Variants in PIGL observed in about 807,000 individuals in gnomAD.
PIGL encodes the protein N-acetylglucosaminyl-phosphatidylinositol de-N-acetylase.
A neutral mutation model predicts 31.1 loss-of-function variants in PIGL; 22 were observed. The observed-to-expected ratio is 0.71, with a 90% confidence interval of 0.51 to 1.01. The LOEUF (loss-of-function observed/expected upper bound fraction) is 1.01, where lower values mean the gene tolerates loss of function less well. Among genes scored for constraint, PIGL ranks in the 50% least tolerant of loss-of-function variants. The pLI, the probability that PIGL is intolerant of heterozygous loss-of-function variation, is 0.00. For missense variants in PIGL, 302 were observed against 315.9 expected, an observed-to-expected ratio of 0.96 and a Z score of 0.33; for synonymous variants, 131 against 117.4, an observed-to-expected ratio of 1.12 and a Z score of -0.75.
intron 2 of PIGL, among the ~76,000 whole-genome samples, chr17:16,271,423 G>GTT (rs2092871631): frequency 6.6e-6 from 1 of 152,140 alleles, no homozygotes; most frequent in African/African-American, 2.4e-5. Context: ...CTGCAAATAG[G>GTT]TACGTACCCT....
chr17:16,266,824 C>G (rs986649721), intron 2 of PIGL, among the ~76,000 whole-genome samples: 1 of 151,522 alleles, frequency 6.6e-6, no homozygotes, highest in African/African-American at 2.4e-5. Context: ...GTCTCGATCT[C>G]CTGACCTCGT....
chr17:16,264,159 C>T (rs931856771), intron 2 of PIGL, among the ~76,000 whole-genome samples: 31 of 151,394 alleles, frequency 2.0e-4, no homozygotes, highest in African/African-American at 7.0e-4. Flanking sequence ...ATTACAGGTG[C>T]CTGCTATCAC....
At chr17:16,264,787 C>T (rs2092835254) in intron 2 of PIGL, among the ~76,000 whole-genome samples, 1 of 151,818 alleles carries the variant, frequency 6.6e-6, no homozygotes, top group Non-Finnish European at 1.5e-5. Flanking sequence ...GCTGGGATTA[C>T]AGGTGCCCAC....
intron 1 of PIGL, among the ~76,000 whole-genome samples, chr17:16,229,916 C>T (rs1394784743): frequency 1.4e-4 from 17 of 122,696 alleles, no homozygotes; most frequent in African/African-American, 5.5e-4. Context: ...GGCTGGAGTG[C>T]AGTGGCACGA....
intron 2 of PIGL, among the ~76,000 whole-genome samples, chr17:16,237,455 A>G (rs1179000993): frequency 6.6e-6 from 1 of 151,726 alleles, no homozygotes; most frequent in African/African-American, 2.4e-5. Flanking sequence ...ACAGATGATT[A>G]CAATTCAAAG....
chr17:16,223,767 G>A (rs2092639793), intron 1 of PIGL, among the ~76,000 whole-genome samples: 1 of 151,900 alleles, frequency 6.6e-6, no homozygotes, highest in African/African-American at 2.4e-5. Flanking sequence ...TGGGGAGAAT[G>A]GTTTGGAAGG....
chr17:16,310,395 A>G (rs1266864123), intron 3 of PIGL, among the ~76,000 whole-genome samples: 3 of 152,004 alleles, frequency 2.0e-5, no homozygotes, highest in Admixed American at 1.3e-4. Context: ...ATGACTCTCA[A>G]GATGATCCTT....
intron 3 of PIGL, among the ~76,000 whole-genome samples, chr17:16,301,773 A>G (rs762130411): frequency 4.6e-5 from 7 of 151,136 alleles, no homozygotes; most frequent in Non-Finnish European, 7.4e-5. Context: ...GGGTTCCCCT[A>G]TGTTAGCCAG....
At chr17:16,267,116 T>C (rs1215830440) in intron 2 of PIGL, among the ~76,000 whole-genome samples, 2 of 152,344 alleles carry the variant, frequency 1.3e-5, no homozygotes, top group Non-Finnish European at 2.9e-5. Context: ...AGTAGCCTAT[T>C]GACCAGAAGC....
intron 2 of PIGL, among the ~76,000 whole-genome samples, chr17:16,297,857 A>C (rs1456307770): frequency 6.6e-6 from 1 of 152,128 alleles, no homozygotes; most frequent in Admixed American, 6.6e-5. Context: ...CCCAACCCCC[A>C]GGCTGCAGAC....
chr17:16,307,331 G>A (rs2093030338), intron 3 of PIGL, among the ~76,000 whole-genome samples: 1 of 152,190 alleles, frequency 6.6e-6, no homozygotes, highest in Admixed American at 6.5e-5. Flanking sequence ...TAGGCCATAG[G>A]GTGTGCCAGT....
intron 2 of PIGL, among the ~76,000 whole-genome samples, chr17:16,265,555 A>G (rs1568808333): frequency 6.6e-6 from 1 of 152,040 alleles, no homozygotes. Context: ...AACCTGGCCA[A>G]CATAGTGAAA....
chr17:16,238,269 A>G (rs761051264), intron 2 of PIGL, among the ~76,000 whole-genome samples: 6 of 151,768 alleles, frequency 4.0e-5, no homozygotes, highest in Non-Finnish European at 8.8e-5. Flanking sequence ...GTATACTCAA[A>G]ACAGTAAATA....
intron 2 of PIGL, among the ~76,000 whole-genome samples, chr17:16,291,521 A>AAAAAG (rs1555860361): frequency 1.4e-3 from 196 of 140,196 alleles, no homozygotes; most frequent in Non-Finnish European, 1.8e-3. Context: ...AAAAAAAAAA[A>AAAAAG]AAAGAAAGAA....
intron 2 of PIGL, among the ~76,000 whole-genome samples, chr17:16,281,363 C>T (rs553587820): frequency 1.7e-4 from 26 of 152,308 alleles, no homozygotes; most frequent in Non-Finnish European, 2.8e-4. Context: ...TTTTTACCTG[C>T]TCTAAAAGAA....
intron 2 of PIGL, among the ~76,000 whole-genome samples, chr17:16,296,971 C>A (rs1388999811): frequency 6.6e-6 from 1 of 152,126 alleles, no homozygotes. Flanking sequence ...CCGCCCGCCT[C>A]GGCCTCCCAA....
chr17:16,326,176 C>A lies in PIGL; in HGVS notation c.*278C>A. ...GTGAAAAACAATTTACATAATGACA[C>A]AGTAGATGTGGAACACCTAGCCCAG... On this transcript the variant is annotated 3_prime_UTR_variant, in exon 7 of 7. Coordinates refer to ENST00000225609, the MANE Select transcript of PIGL (RefSeq NM_004278.4). 2.4e-6 allele frequency: 1 copy of A among 411,726 alleles called. No homozygotes were observed. The highest frequency in any genetic ancestry group is 4.4e-6 in the Non-Finnish European group (1 of 228,884). The allele number at this position is 411,726 out of a possible 1,614,324, so 25.5% of individuals were successfully genotyped here. A position where few individuals can be genotyped will look rare whatever the true frequency, so the allele number is the denominator to read the frequency against.
At chr17:16,264,874 T>G (rs2092835728) in intron 2 of PIGL, among the ~76,000 whole-genome samples, 1 of 151,734 alleles carries the variant, frequency 6.6e-6, no homozygotes, top group African/African-American at 2.4e-5. Context: ...TGACCCGCCC[T>G]CCTCTGCCTC....
chr17:16,272,747 A>G (rs574148320), intron 2 of PIGL, among the ~76,000 whole-genome samples: 3 of 152,082 alleles, frequency 2.0e-5, no homozygotes, highest in Non-Finnish European at 2.9e-5. Context: ...CACTCCCCCA[A>G]TCCAGAAACC....
Sources: gnomAD v4.1 joint callset for allele counts (sites outside exome capture counted in the v4.1 genomes callset) on GRCh38, gnomAD v4.1.1 for gene constraint, MANE v1.5 for transcripts, NCBI Gene and HGNC (gene_info 2026-07-23, HGNC 2026-07-21) for gene names.